Variants in GNAS observed in about 807,000 individuals in gnomAD.
The protein encoded by GNAS is protein ALEX.
In GNAS, 8 loss-of-function variants were observed where a neutral mutation model predicts 54.5. The ratio of observed to expected loss-of-function variants is 0.15; its 90% CI spans 0.09 to 0.26. The LOEUF is 0.26. Among genes scored for constraint, GNAS ranks in the 10% least tolerant of loss-of-function variants. The pLI is 1.00. For synonymous variants in GNAS, 204 were observed against 191.4 expected (o/e 1.07, Z -0.54); for missense variants, 170 against 529.8 (o/e 0.32, Z 6.67).
upstream of GNAS, among the ~76,000 whole-genome samples, chr20:58,887,219 T>C (rs567080754): frequency 6.6e-6 from 1 of 152,376 alleles, no homozygotes; most frequent in East Asian, 1.9e-4. Context: ...CTATTTACCT[T>C]GTACCTCTTA....
At chr20:58,899,045 C>T (rs1243361340) in intron 3 of GNAS, 60 bp downstream of exon 3, 6 of 1,264,396 alleles carry the variant, frequency 4.7e-6, no homozygotes, top group South Asian at 3.6e-5. Context: ...GAAGATCATA[C>T]TGGGAAACTG....
At chr20:58,892,193 C>T (rs1030517199) in intron 1 of GNAS, 3 of 976,412 alleles carry the variant, frequency 3.1e-6, no homozygotes, top group Admixed American at 1.2e-4. Context: ...GAGGCCTACA[C>T]GACGCCAGGG....
chr20:58,840,272 G>A (rs754947062), upstream of GNAS: 3 of 1,611,950 alleles, frequency 1.9e-6, no homozygotes. This position sits in a 1 kb window ranked among gnomAD's most constrained non-coding sequence, Gnocchi z 6.0. Flanking sequence ...CCAGCAGCGC[G>A]CGGCTGCCCA....
chr20:58,891,798 A>G lies in GNAS; in HGVS notation c.72A>G (p.Lys24=), dbSNP rs1600974959. ...NEEKAQREAN[K]KIEKQLQKDK... is the part of the protein sequence containing the mutation. Reference sequence around the variant, plus strand: ...AGAAGGCGCAGCGTGAGGCCAACAAAAAGATCGAGAAGCAGCTGCAGAAGG... The same window carrying G: ...AGAAGGCGCAGCGTGAGGCCAACAAGAAGATCGAGAAGCAGCTGCAGAAGG... The change falls in exon 1 of 13, where the codon AAA becomes AAG. Residue 24 remains lysine (K), a synonymous_variant. Coordinates refer to ENST00000371085, the MANE Select transcript of GNAS (RefSeq NM_000516.7). 1 of 1,288,276 alleles carries G rather than the reference A, an allele frequency of 7.8e-7. No homozygotes were observed. The highest frequency in any genetic ancestry group is 1.0e-6 in the Non-Finnish European group (1 of 978,070). 79.8% of individuals were successfully genotyped at this position (1,288,276 alleles called of 1,614,324 possible). A position where few individuals can be genotyped will look rare whatever the true frequency, so the allele number is the denominator to read the frequency against.
chr20:58,859,852 CTGACCT>C (rs2145616692), intron 1 of GNAS, among the ~76,000 whole-genome samples: 1 of 152,232 alleles, frequency 6.6e-6, no homozygotes, highest in Admixed American at 6.5e-5. Flanking sequence ...TCTCAAACTC[CTGACCT>C]CGTGATCCGC....
chr20:58,851,628 G>A (rs1304389446), intron 1 of GNAS, among the ~76,000 whole-genome samples: 1 of 152,224 alleles, frequency 6.6e-6, no homozygotes, highest in Non-Finnish European at 1.5e-5. Flanking sequence ...ACACATCAAG[G>A]CCACCAGGTG....
At chr20:58,876,572 G>C (rs151021561) in intron 1 of GNAS, 1 of 152,156 alleles carries the variant, frequency 6.6e-6, no homozygotes, top group African/African-American at 2.4e-5. Flanking sequence ...GTAACACTCA[G>C]TGAGGAGGAG....
intron 1 of GNAS, among the ~76,000 whole-genome samples, chr20:58,851,734 C>T (rs1250835709): frequency 6.6e-6 from 1 of 152,330 alleles, no homozygotes; most frequent in South Asian, 2.1e-4. Context: ...GGCCGGTTGG[C>T]GGGCTCAGTG....
chr20:58,891,152 C>G (rs1350238411), upstream of GNAS: 1 of 149,316 alleles, frequency 6.7e-6, no homozygotes, highest in Non-Finnish European at 1.5e-5. Context: ...TCTCCCCGGC[C>G]CGTCCCGTCC....
At position 58,871,577 on chromosome 20, in the gene GNAS, G is replaced by A. The variant is rs533033260; in HGVS notation, c.44-24035G>A. Reference sequence around the variant, plus strand: ...TGCAGTGAGCCGAGATTGTGCCATTGCACTCCATCCTGGGCAACAAGAATG... The same window carrying A: ...TGCAGTGAGCCGAGATTGTGCCATTACACTCCATCCTGGGCAACAAGAATG... On this transcript the variant is annotated intron_variant, in intron 1 of 12. Transcript: ENST00000306090. Among the ~76,000 whole-genome samples the A allele has an allele frequency of 2.4e-3, 330 of 140,070 alleles. 2 individuals carry two copies. Among genetic ancestry groups the A allele is most frequent in the Non-Finnish European group, 2.9e-3 (190 of 66,300 alleles). The allele number at this position is 140,070 out of a possible 152,430, so 91.9% of individuals were successfully genotyped here.
At chr20:58,851,907 C>T (rs1451027872) in intron 1 of GNAS, among the ~76,000 whole-genome samples, 1 of 152,212 alleles carries the variant, frequency 6.6e-6, no homozygotes, top group African/African-American at 2.4e-5. Context: ...AGCAGCGCAC[C>T]TCAGCTCCGG....
At chr20:58,840,242 G>A, upstream of GNAS, 2 of 1,611,110 alleles carry the variant, frequency 1.2e-6, no homozygotes, top group Non-Finnish European at 1.7e-6. The surrounding 1 kb of genome is among the most constrained non-coding windows in gnomAD (Gnocchi z 6.0). Flanking sequence ...CCGCGCCCTT[G>A]CCACCTCCAA....
At chr20:58,839,811 G>A, upstream of GNAS, 1 of 586,360 alleles carries the variant, frequency 1.7e-6, no homozygotes. Flanking sequence ...GTCTTAGGCT[G>A]CGGAATCTAA....
chr20:58,850,805 C>G (rs1043785163), intron 1 of GNAS: 11 of 398,728 alleles, frequency 2.8e-5, no homozygotes, highest in African/African-American at 2.3e-4. Flanking sequence ...GCTAGCGGTC[C>G]TCGTGGTCTT....
chr20:58,903,923 G>A, intron 5 of GNAS, 132 bp downstream of exon 5: 1 of 875,850 alleles, frequency 1.1e-6, no homozygotes, highest in Non-Finnish European at 2.0e-6. Flanking sequence ...CTACATTTCA[G>A]TGATGTCCAT....
intron 1 of GNAS, among the ~76,000 whole-genome samples, chr20:58,858,669 C>T (rs544350493): frequency 6.6e-6 from 1 of 152,244 alleles, no homozygotes; most frequent in African/African-American, 2.4e-5. Context: ...AATGGCTATT[C>T]TGCTATGATG....
At position 58,898,506 on chromosome 20, in the gene GNAS, C is replaced by T. The variant is rs368331264; in HGVS notation, c.213-435C>T. The T allele has an allele frequency of 5.0e-5, 9 of 180,526 alleles. No homozygotes were observed. The East Asian group carries it at 5.3e-4, about 11-fold the overall frequency. The allele number at this position is 180,526 out of a possible 1,614,324, so 11.2% of individuals were successfully genotyped here. On this transcript the variant is annotated intron_variant, in intron 2 of 12. Coordinates refer to ENST00000371085, the MANE Select transcript of GNAS (RefSeq NM_000516.7). The stretch of plus-strand genomic sequence containing the variant: ...GGAAATCCTGGGCAGAAATCTCCCC[C>T]GTTTATGCCTTTATGCCTTAAGTTA...
At chr20:58,846,155 A>G (rs2085932139) in intron 1 of GNAS, among the ~76,000 whole-genome samples, 1 of 152,188 alleles carries the variant, frequency 6.6e-6, no homozygotes, top group Non-Finnish European at 1.5e-5. Context: ...CCTGGGAAGG[A>G]GCAGAAAAGA....
Position 58,910,426 on chromosome 20 carries a change from C to G in GNAS, c.1038+25C>G, listed in dbSNP as rs777089266. On this transcript the variant is annotated intron_variant, in intron 12 of 12. Coordinates refer to ENST00000371085, the MANE Select transcript of GNAS (RefSeq NM_000516.7). The surrounding 1 kb of genome is among the most constrained non-coding windows in gnomAD (Gnocchi z 5.8). ...GGTGAGTCGAGCCTGTCTTTAGTTTCCTCTCTTGTTCCTCCTCTTTTTCTC... is the reference window on the plus strand; with the variant it reads ...GGTGAGTCGAGCCTGTCTTTAGTTTGCTCTCTTGTTCCTCCTCTTTTTCTC... The G allele has an allele frequency of 1.3e-6, 2 of 1,552,518 alleles. No homozygotes were observed. Among genetic ancestry groups the G allele is most frequent in the African/African-American group, 2.7e-5 (2 of 73,748 alleles).
Sources: gnomAD v4.1 joint callset for allele counts (sites outside exome capture counted in the v4.1 genomes callset) on GRCh38, gnomAD v4.1.1 for gene constraint, Gnocchi (gnomAD v3.1) non-coding constraint, MANE v1.5 for transcripts, NCBI Gene and HGNC (gene_info 2026-07-23, HGNC 2026-07-21) for gene names.